The following RALYL variants were observed in gnomAD, a reference collection of about 807,000 sequenced individuals.
RALYL encodes the protein RNA-binding Raly-like protein.
Under a neutral mutation model 35.1 loss-of-function variants are expected in RALYL, and 29 were observed. The ratio of observed to expected loss-of-function variants is 0.83; its 90% CI spans 0.61 to 1.13. The LOEUF is 1.13. Ranked by LOEUF, RALYL falls within the 50% of genes most tolerant of loss-of-function variation. RALYL has a pLI of 0.00. For synonymous variants in RALYL, 120 were observed against 127.6 expected (o/e 0.94, Z 0.40); for missense variants, 359 against 360.4 (o/e 1.00, Z 0.03).
chr8:84,620,662 G>C (rs1041792071), intron 2 of RALYL, among the ~76,000 whole-genome samples: 1 of 152,134 alleles, frequency 6.6e-6, no homozygotes, highest in African/African-American at 2.4e-5. Context: ...TGGAGGAGGA[G>C]AGGCACTCTG....
intron 2 of RALYL, among the ~76,000 whole-genome samples, chr8:84,633,515 C>A (rs1824381419): frequency 6.6e-6 from 1 of 151,810 alleles, no homozygotes; most frequent in Non-Finnish European, 1.5e-5. Flanking sequence ...TAGTTTCACG[C>A]ATAAACATTC....
At chr8:84,548,541 C>T (rs756262074) in intron 2 of RALYL, among the ~76,000 whole-genome samples, 24 of 152,192 alleles carry the variant, frequency 1.6e-4, no homozygotes, top group Admixed American at 9.8e-4. Flanking sequence ...TGTTTACTTT[C>T]ATTTTCTCTT....
At chr8:84,791,228 G>T (rs147848276) in intron 3 of RALYL, among the ~76,000 whole-genome samples, 154 of 152,252 alleles carry the variant, frequency 1.0e-3, no homozygotes, top group African/African-American at 3.6e-3. Flanking sequence ...AGCCGTGAAG[G>T]GGGTGATGAG....
intron 2 of RALYL, among the ~76,000 whole-genome samples, chr8:84,589,519 ATATGAAATAGCT>A (rs1812759108): frequency 6.6e-6 from 1 of 152,264 alleles, no homozygotes; most frequent in Non-Finnish European, 1.5e-5. Flanking sequence ...TGTATAATTT[ATATGAAATAGCT>A]TATGAAATAT....
intron 1 of RALYL, among the ~76,000 whole-genome samples, chr8:84,251,481 T>C (rs956621203): frequency 2.2e-4 from 34 of 152,260 alleles, no homozygotes; most frequent in African/African-American, 7.9e-4. Context: ...AACTGTTATT[T>C]TTTTTTTGAA....
intron 1 of RALYL, among the ~76,000 whole-genome samples, chr8:84,345,283 G>A (rs1015659850): frequency 2.6e-5 from 4 of 151,808 alleles, no homozygotes; most frequent in East Asian, 1.9e-4. Context: ...CCTCTATTAC[G>A]TTACTCAGTA....
intron 1 of RALYL, among the ~76,000 whole-genome samples, chr8:84,370,810 A>G (rs1390881952): frequency 6.6e-6 from 1 of 152,026 alleles, no homozygotes; most frequent in East Asian, 1.9e-4. Context: ...CACTTTGTGG[A>G]AGCAGGAGGT....
intron 2 of RALYL, among the ~76,000 whole-genome samples, chr8:84,677,592 G>T (rs930888661): frequency 6.6e-6 from 1 of 152,058 alleles, no homozygotes; most frequent in Non-Finnish European, 1.5e-5. Flanking sequence ...ATTTAAACTG[G>T]TGATAAAACT....
At chr8:84,566,094 T>C (rs2061762729) in intron 2 of RALYL, among the ~76,000 whole-genome samples, 1 of 151,520 alleles carries the variant, frequency 6.6e-6, no homozygotes, top group Non-Finnish European at 1.5e-5. Context: ...GTGTATTTTT[T>C]CACAGGGGCC....
chr8:84,553,531 G>T (rs1330079191), intron 2 of RALYL, among the ~76,000 whole-genome samples: 1 of 152,090 alleles, frequency 6.6e-6, no homozygotes, highest in Non-Finnish European at 1.5e-5. Flanking sequence ...ATTGTTTCTT[G>T]CAGGTTCCAT....
At chr8:84,383,721 G>A (rs1383228466) in intron 1 of RALYL, among the ~76,000 whole-genome samples, 1 of 150,494 alleles carries the variant, frequency 6.6e-6, no homozygotes, top group African/African-American at 2.4e-5. Flanking sequence ...GTTAAGGTTG[G>A]GACAACAGCT....
At chr8:84,194,164 G>A (rs1459446293) in intron 1 of RALYL, among the ~76,000 whole-genome samples, 1 of 152,188 alleles carries the variant, frequency 6.6e-6, no homozygotes, top group Admixed American at 6.5e-5. Flanking sequence ...GGAAGACACT[G>A]CTGATTTTGA....
intron 1 of RALYL, among the ~76,000 whole-genome samples, chr8:84,416,620 A>C (rs1172281539): frequency 6.6e-6 from 1 of 152,134 alleles, no homozygotes; most frequent in Non-Finnish European, 1.5e-5. Context: ...CAGAAATAAT[A>C]TATTGGATTG....
chr8:84,681,186 C>T (rs1483037330), intron 2 of RALYL, among the ~76,000 whole-genome samples: 1 of 152,084 alleles, frequency 6.6e-6, no homozygotes, highest in Non-Finnish European at 1.5e-5. Flanking sequence ...TTTCTATGGG[C>T]TCTGTTCTGT....
chr8:84,881,371 G>T (rs912382051), intron 7 of RALYL, among the ~76,000 whole-genome samples: 4 of 151,942 alleles, frequency 2.6e-5, no homozygotes, highest in African/African-American at 9.7e-5. Context: ...TGGCTCTAGT[G>T]AATAATGTGA....
intron 1 of RALYL, among the ~76,000 whole-genome samples, chr8:84,377,640 A>G (rs1466473584): frequency 1.3e-5 from 2 of 151,460 alleles, no homozygotes; most frequent in Non-Finnish European, 3.0e-5. Context: ...GTCCTTTTCT[A>G]TACTAATATT....
chr8:84,357,850 CA>C (rs1852184023), intron 1 of RALYL, among the ~76,000 whole-genome samples: 1 of 146,942 alleles, frequency 6.8e-6, no homozygotes, highest in African/African-American at 2.5e-5. Flanking sequence ...TAATTAATCT[CA>C]AAAAATGGTT....
At chr8:84,428,102 TCTCTCACACACACA>T (rs2046719953) in intron 1 of RALYL, among the ~76,000 whole-genome samples, 1 of 131,244 alleles carries the variant, frequency 7.6e-6, no homozygotes, top group African/African-American at 3.2e-5. Flanking sequence ...TCTCTCTCTC[TCTCTCACACACACA>T]CACACACACA....
intron 1 of RALYL, among the ~76,000 whole-genome samples, chr8:84,318,708 C>G (rs946243159): frequency 6.6e-6 from 1 of 152,082 alleles, no homozygotes; most frequent in African/African-American, 2.4e-5. Context: ...CTCAAAAATA[C>G]TCATCAATTG....
Sources: gnomAD v4.1 joint callset for allele counts (sites outside exome capture counted in the v4.1 genomes callset) on GRCh38, gnomAD v4.1.1 for gene constraint, MANE v1.5 for transcripts, NCBI Gene and HGNC (gene_info 2026-07-23, HGNC 2026-07-21) for gene names.